The following ANKRD11 variants were observed in gnomAD, a reference collection of about 807,000 sequenced individuals.
ANKRD11 encodes ankyrin repeat domain-containing protein 11.
ANKRD11 carries 17 observed loss-of-function variants against 195.7 expected under a neutral mutation model. The ratio of observed to expected loss-of-function variants is 0.09; its 90% CI spans 0.06 to 0.13. The LOEUF is 0.13. Among genes scored for constraint, ANKRD11 ranks in the 10% least tolerant of loss-of-function variants. The pLI, the probability that ANKRD11 is intolerant of heterozygous loss-of-function variation, is 1.00. For synonymous variants in ANKRD11, 1,953 were observed against 1,528.1 expected (o/e 1.28, Z -6.49); for missense variants, 3,735 against 3,566.1 (o/e 1.05, Z -1.21).
chr16:89,359,971 G>A (rs931841594), intron 2 of ANKRD11, among the ~76,000 whole-genome samples: 50 of 152,068 alleles, frequency 3.3e-4, no homozygotes, highest in East Asian at 2.1e-3. Context: ...GCAGTGGGCG[G>A]GGGGGGAGGT....
chr16:89,416,860 C>T (rs2042332840), intron 2 of ANKRD11, among the ~76,000 whole-genome samples: 1 of 152,118 alleles, frequency 6.6e-6, no homozygotes, highest in Non-Finnish European at 1.5e-5. Flanking sequence ...CAAAGAGGCA[C>T]AGCTCAGACC....
At chr16:89,419,755 A>G (rs983392853) in intron 1 of ANKRD11, among the ~76,000 whole-genome samples, 2 of 152,196 alleles carry the variant, frequency 1.3e-5, no homozygotes, top group Non-Finnish European at 2.9e-5. Context: ...CTCCTGGCAC[A>G]TGCGTTTTGC....
chr16:89,278,739 G>C (rs973469602), intron 9 of ANKRD11: 1 of 528,094 alleles, frequency 1.9e-6, no homozygotes, highest in South Asian at 1.5e-5. Flanking sequence ...AGGCCGTCCT[G>C]GTGGACGGGG....
At chr16:89,309,695 G>A (rs2036504422) in intron 3 of ANKRD11, among the ~76,000 whole-genome samples, 1 of 152,216 alleles carries the variant, frequency 6.6e-6, no homozygotes, top group Non-Finnish European at 1.5e-5. Context: ...GCTGGGGTGG[G>A]ACAGGCCCTG....
In ANKRD11 at chr16:89,295,926, G is replaced by T. The variant is rs569255111; in HGVS notation, c.227-4743C>A. Among the ~76,000 whole-genome samples, 22 of 130,568 alleles carry T rather than the reference G, an allele frequency of 1.7e-4. 1 individual carries two copies. The highest frequency in any genetic ancestry group is 4.1e-3 in the Middle Eastern group (1 of 246). 85.7% of individuals were successfully genotyped at this position (130,568 alleles called of 152,430 possible). A position where few individuals can be genotyped will look rare whatever the true frequency, so the allele number is the denominator to read the frequency against. Reference sequence around the variant, plus strand: ...GGGGTGCTCTGTGCAGGTGGGATTGGGGGGGGCTGTGAACCGCCTGGGGGT... The same window carrying T: ...GGGGTGCTCTGTGCAGGTGGGATTGTGGGGGGCTGTGAACCGCCTGGGGGT... On this transcript the variant is annotated intron_variant, in intron 4 of 12. Coordinates refer to ENST00000301030, the MANE Select transcript of ANKRD11 (RefSeq NM_013275.6).
intron 4 of ANKRD11, among the ~76,000 whole-genome samples, chr16:89,295,135 G>C (rs1445938168): frequency 1.3e-5 from 2 of 152,208 alleles, no homozygotes; most frequent in Non-Finnish European, 2.9e-5. Context: ...GGGTGCCTCT[G>C]ACCCCGGGGT....
chr16:89,274,845 G>C lies in ANKRD11; in HGVS notation c.7682C>G (p.Ser2561Cys), dbSNP rs147434505. The change falls in exon 11 of 13, where the codon TCC becomes TGC. Residue 2561 changes from serine to cysteine, a missense_variant. Coordinates refer to ENST00000301030, the MANE Select transcript of ANKRD11 (RefSeq NM_013275.6). Reference sequence around the variant, plus strand: ...CTCCAGGGGCATGTTGTAGACCTCGGAGTCCAGCAGCATCGTGCAGGCGCT... The same window carrying C: ...CTCCAGGGGCATGTTGTAGACCTCGCAGTCCAGCAGCATCGTGCAGGCGCT... Reference protein sequence around the residue: ...PFSACTMLLDSEVYNMPLESQ... With the variant: ...PFSACTMLLDCEVYNMPLESQ... The C allele has an allele frequency of 7.8e-5, 126 of 1,612,364 alleles. No individual in the cohort carries two copies. The highest frequency in any genetic ancestry group is 1.0e-4 in the Non-Finnish European group (121 of 1,179,882).
chr16:89,443,722 T>G (rs1410355466), intron 1 of ANKRD11, among the ~76,000 whole-genome samples: 1 of 152,220 alleles, frequency 6.6e-6, no homozygotes, highest in African/African-American at 2.4e-5. Context: ...GAACACCCCT[T>G]TATTACATGT....
chr16:89,411,742 T>C (rs1281966000), intron 2 of ANKRD11, among the ~76,000 whole-genome samples: 1 of 152,068 alleles, frequency 6.6e-6, no homozygotes, highest in African/African-American at 2.4e-5. Flanking sequence ...AGTAAGCACA[T>C]CCCAAATCAT....
intron 1 of ANKRD11, among the ~76,000 whole-genome samples, chr16:89,451,135 C>T (rs1017833307): frequency 6.6e-6 from 1 of 152,194 alleles, no homozygotes; most frequent in Non-Finnish European, 1.5e-5. Context: ...ACTTGGTCCT[C>T]TGTAGAAAAA....
intron 2 of ANKRD11, among the ~76,000 whole-genome samples, chr16:89,390,380 GA>G (rs1410030375): frequency 1.3e-5 from 2 of 151,838 alleles, no homozygotes; most frequent in Non-Finnish European, 2.9e-5. Flanking sequence ...CTGAGAGAGA[GA>G]AGATCACTGG....
rs1230828217 is a variant in ANKRD11 at position 89,490,411 on chromosome 16, G to A, written c.-311C>T. 2 of 281,822 alleles carry A rather than the reference G, an allele frequency of 7.1e-6. No homozygotes were observed. Among genetic ancestry groups the A allele is most frequent in the South Asian group, 1.4e-4 (1 of 7,288 alleles). The allele number at this position is 281,822 out of a possible 1,614,324, so 17.5% of individuals were successfully genotyped here. A position where few individuals can be genotyped will look rare whatever the true frequency, so the allele number is the denominator to read the frequency against. ...AGAGCTGCGAGGGACGGCGGGAGGC[G>A]AGCCCGCCCCTCGGGCGCGCCCACG... On this transcript the variant is annotated 5_prime_UTR_variant, in exon 1 of 13. Coordinates refer to ENST00000301030, the MANE Select transcript of ANKRD11 (RefSeq NM_013275.6).
In ANKRD11 at chr16:89,284,970, C is replaced by T. The variant is rs367826651; in HGVS notation, c.1572G>A (p.Ser524=). Residue 524 remains serine (S), a synonymous_variant, in exon 9 of 13, where the codon TCG becomes TCA. Transcript: ENST00000301030. ...TCTGGGCGGCAGAGCTCCCGTGAGA[C>T]GAGGTGGAGGAGGCAGAGAGGGAGC... ...LFSSLSASST[S]SHGSSAAQKQ... 2.9e-5 allele frequency: 47 copies of T among 1,613,948 alleles called. No homozygotes were observed. The highest frequency in any genetic ancestry group is 1.6e-4 in the Middle Eastern group (1 of 6,074).
chr16:89,278,673 G>T, intron 9 of ANKRD11: 1 of 473,800 alleles, frequency 2.1e-6, no homozygotes, highest in Non-Finnish European at 4.2e-6. Flanking sequence ...ACCCACGCGG[G>T]TCCAAGGGAG....
chr16:89,323,139 A>C (rs1217063136), intron 2 of ANKRD11: 1 of 356,964 alleles, frequency 2.8e-6, no homozygotes, highest in Middle Eastern at 6.7e-4. Context: ...GGAAAGGGAG[A>C]AGCACGGTCT....
chr16:89,402,026 G>A (rs2152167011), intron 2 of ANKRD11, among the ~76,000 whole-genome samples: 1 of 151,296 alleles, frequency 6.6e-6, no homozygotes, highest in East Asian at 2.0e-4. Flanking sequence ...TCCTTGCTGT[G>A]AAAGCTCCTG....
In ANKRD11 at chr16:89,316,973, G is replaced by GGAA. The variant is rs1309813586; in HGVS notation, c.44_46dup (p.Leu15dup). The GGAA allele has an allele frequency of 6.2e-7, 1 of 1,613,908 alleles. No homozygotes were observed. The highest frequency in any genetic ancestry group is 1.7e-5 in the Admixed American group (1 of 59,994). On this transcript the variant is annotated inframe_insertion, in exon 3 of 13. Coordinates refer to ENST00000301030, the MANE Select transcript of ANKRD11 (RefSeq NM_013275.6). ...CTTCTCCACCATGTCGCTGCTGAGG[G>GGAA]GAAGCTCTTCCTGCTGTGGTGCTTT...
chr16:89,291,619 T>A lies in ANKRD11; in HGVS notation c.227-436A>T. 8.3e-7 allele frequency: 1 copy of A among 1,205,836 alleles called. No individual in the cohort carries two copies. Among genetic ancestry groups the A allele is most frequent in the South Asian group, 1.3e-5 (1 of 79,248 alleles). The allele number at this position is 1,205,836 out of a possible 1,614,324, so 74.7% of individuals were successfully genotyped here. A position where few individuals can be genotyped will look rare whatever the true frequency, so the allele number is the denominator to read the frequency against. Reference sequence around the variant, plus strand: ...GTCCCTCCTCCAAACAGTGCAGATATAAAATGGCAGACACAGTTTAAAACA... The same window carrying A: ...GTCCCTCCTCCAAACAGTGCAGATAAAAAATGGCAGACACAGTTTAAAACA... On this transcript the variant is annotated intron_variant, in intron 4 of 12. Transcript: ENST00000301030. The surrounding 1 kb of genome is among the most constrained non-coding windows in gnomAD (Gnocchi z 5.3).
At chr16:89,323,712 G>A (rs1349565802) in intron 2 of ANKRD11, 1 of 286,080 alleles carries the variant, frequency 3.5e-6, no homozygotes, top group Non-Finnish European at 6.8e-6. Context: ...ACACACCCCT[G>A]CACGTTCTGA....
Sources: gnomAD v4.1 joint callset for allele counts (sites outside exome capture counted in the v4.1 genomes callset) on GRCh38, gnomAD v4.1.1 for gene constraint, Gnocchi (gnomAD v3.1) non-coding constraint, MANE v1.5 for transcripts, NCBI Gene and HGNC (gene_info 2026-07-23, HGNC 2026-07-21) for gene names.